Variants in PKIB observed in about 807,000 individuals in gnomAD.
PKIB encodes cAMP-dependent protein kinase inhibitor beta, also known as PKI-beta.
A neutral mutation model predicts 4.5 loss-of-function variants in PKIB; 2 were observed. The ratio of observed to expected loss-of-function variants is 0.44; its 90% CI spans 0.18 to 1.39. PKIB has a LOEUF of 1.39. Ranked by LOEUF, PKIB falls within the 40% of genes most tolerant of loss-of-function variation. The pLI is 0.27. For synonymous variants in PKIB, 38 were observed against 36.0 expected (o/e 1.06, Z -0.20); for missense variants, 94 against 92.6 (o/e 1.02, Z -0.06).
chr6:122,564,527 A>AGGTGGT (rs1773125160), intron 2 of PKIB, among the ~76,000 whole-genome samples: 2 of 152,166 alleles, frequency 1.3e-5, no homozygotes, highest in South Asian at 4.1e-4. Context: ...CACCTACAAT[A>AGGTGGT]TAACATAATA....
intron 4 of PKIB, among the ~76,000 whole-genome samples, chr6:122,719,945 A>C (rs1582846090): frequency 6.6e-6 from 1 of 152,340 alleles, no homozygotes. Flanking sequence ...TAGGTAGATG[A>C]CATAGATAAT....
At chr6:122,541,370 C>T (rs917713871) in intron 2 of PKIB, among the ~76,000 whole-genome samples, 4 of 151,902 alleles carry the variant, frequency 2.6e-5, no homozygotes, top group African/African-American at 9.7e-5. Context: ...TCTTTTAGGG[C>T]AGGCCTGGTG....
intron 1 of PKIB, among the ~76,000 whole-genome samples, chr6:122,620,064 T>C (rs2114785627): frequency 6.6e-6 from 1 of 152,262 alleles, no homozygotes; most frequent in East Asian, 1.9e-4. Context: ...CACATTCCCT[T>C]CATGCCCCCA....
chr6:122,651,322 CT>C (rs1454329704), intron 2 of PKIB, among the ~76,000 whole-genome samples: 2 of 152,144 alleles, frequency 1.3e-5, no homozygotes, highest in African/African-American at 4.8e-5. Flanking sequence ...AGCACACTTC[CT>C]TGTGGACTAC....
At chr6:122,659,836 T>C (rs1211928213) in intron 2 of PKIB, among the ~76,000 whole-genome samples, 1 of 151,976 alleles carries the variant, frequency 6.6e-6, no homozygotes, top group Admixed American at 6.6e-5. Flanking sequence ...GAGAGGTTCC[T>C]GCTCATGCTA....
intron 3 of PKIB, among the ~76,000 whole-genome samples, chr6:122,677,961 G>A (rs1356554227): frequency 1.3e-5 from 2 of 151,520 alleles, no homozygotes; most frequent in Non-Finnish European, 2.9e-5. Context: ...AGGCTGGAGT[G>A]CAGTGGCGAG....
At chr6:122,541,158 A>G (rs1037269239) in intron 2 of PKIB, among the ~76,000 whole-genome samples, 6 of 151,848 alleles carry the variant, frequency 4.0e-5, no homozygotes, top group Admixed American at 6.6e-5. Flanking sequence ...TGTGTCTTTT[A>G]ATTGGAGCAT....
chr6:122,655,586 C>G (rs1404175809), intron 2 of PKIB, among the ~76,000 whole-genome samples: 1 of 152,084 alleles, frequency 6.6e-6, no homozygotes, highest in East Asian at 1.9e-4. Context: ...TATAAGCTGC[C>G]CACTCTATGG....
At chr6:122,720,370 A>AG (rs1457857722) in intron 4 of PKIB, among the ~76,000 whole-genome samples, 1 of 152,168 alleles carries the variant, frequency 6.6e-6, no homozygotes, top group Non-Finnish European at 1.5e-5. Context: ...AGGAGGTGAC[A>AG]GAGGGTGGCA....
At chr6:122,542,388 T>C (rs1777632996) in intron 2 of PKIB, among the ~76,000 whole-genome samples, 1 of 152,076 alleles carries the variant, frequency 6.6e-6, no homozygotes, top group Non-Finnish European at 1.5e-5. Context: ...TGTTTGTTAG[T>C]TTTCCTTCTA....
At chr6:122,540,811 A>T (rs1777572117) in intron 2 of PKIB, among the ~76,000 whole-genome samples, 1 of 151,882 alleles carries the variant, frequency 6.6e-6, no homozygotes, top group East Asian at 1.9e-4. Context: ...ATTGTGTGGG[A>T]GTCTAAGTCT....
chr6:122,505,575 G>T (rs1025145374), intron 2 of PKIB, among the ~76,000 whole-genome samples: 1 of 152,102 alleles, frequency 6.6e-6, no homozygotes, highest in Non-Finnish European at 1.5e-5. Flanking sequence ...ATTTAAGAGG[G>T]TTTTCGTTTG....
chr6:122,480,495 T>TTTAA (rs1412344185), intron 2 of PKIB: 1 of 152,200 alleles, frequency 6.6e-6, no homozygotes, highest in African/African-American at 2.4e-5. Context: ...AAAGAACAAC[T>TTTAA]ACAATTTATT....
chr6:122,505,191 T>C (rs1776358813), intron 2 of PKIB, among the ~76,000 whole-genome samples: 1 of 152,200 alleles, frequency 6.6e-6, no homozygotes, highest in Non-Finnish European at 1.5e-5. Context: ...TGTACGTCTG[T>C]CCACATTTTA....
At chr6:122,716,074 G>A (rs1217572983) in intron 3 of PKIB, among the ~76,000 whole-genome samples, 1 of 152,062 alleles carries the variant, frequency 6.6e-6, no homozygotes, top group African/African-American at 2.4e-5. Context: ...AAATGCAAGA[G>A]GTCTTCCCAA....
chr6:122,676,217 A>G (rs1400687222), intron 3 of PKIB, among the ~76,000 whole-genome samples: 1 of 151,884 alleles, frequency 6.6e-6, no homozygotes. Flanking sequence ...CATACAACCT[A>G]GATCCCTCAC....
In PKIB at chr6:122,561,566, AT is replaced by A. The variant is rs149617837; in HGVS notation, c.-247-24343del. Among the ~76,000 whole-genome samples the A allele has an allele frequency of 1.9e-3, 271 of 145,820 alleles. 1 individual carries two copies. The highest frequency in any genetic ancestry group is 0.012 in the East Asian group (61 of 5,004). Reference sequence around the variant, plus strand: ...ATCTCATTTCTTAGGTCTATTAGTAATTTTTTTTTTTTATAAATTTGGGAGC... The same window carrying A: ...ATCTCATTTCTTAGGTCTATTAGTAATTTTTTTTTTTATAAATTTGGGAGC... On this transcript the variant is annotated intron_variant, in intron 2 of 6. Transcript: ENST00000392491.
At chr6:122,586,527 G>A (rs1230244042) in intron 3 of PKIB, among the ~76,000 whole-genome samples, 1 of 152,074 alleles carries the variant, frequency 6.6e-6, no homozygotes, top group Admixed American at 6.6e-5. Flanking sequence ...AGAATGTGTA[G>A]GCTCAGTGCT....
chr6:122,528,885 A>G (rs1015285900), intron 2 of PKIB, among the ~76,000 whole-genome samples: 2 of 152,102 alleles, frequency 1.3e-5, no homozygotes, highest in African/African-American at 4.8e-5. Flanking sequence ...TTTAAAAAAG[A>G]GAAAAGAGAA....
Sources: gnomAD v4.1 joint callset for allele counts (sites outside exome capture counted in the v4.1 genomes callset) on GRCh38, gnomAD v4.1.1 for gene constraint, MANE v1.5 for transcripts, NCBI Gene and HGNC (gene_info 2026-07-23, HGNC 2026-07-21) for gene names.